Variants in POU6F2 observed in about 807,000 individuals in gnomAD.
POU6F2 encodes the protein POU domain, class 6, transcription factor 2.
POU6F2 carries 31 observed loss-of-function variants against 71.3 expected under a neutral mutation model. The observed-to-expected ratio is 0.43, with a 90% confidence interval of 0.33 to 0.59. The LOEUF is 0.59. POU6F2 is among the 20% of genes least tolerant of loss of function. The pLI, the probability that POU6F2 is intolerant of heterozygous loss-of-function variation, is 0.04. For missense variants in POU6F2, 783 were observed against 856.8 expected (o/e 0.91, Z 1.07); for synonymous variants, 347 against 355.7 (o/e 0.98, Z 0.27).
intron 2 of POU6F2, among the ~76,000 whole-genome samples, chr7:39,144,745 G>A (rs180895194): frequency 1.1e-4 from 16 of 152,298 alleles, no homozygotes; most frequent in East Asian, 5.8e-4. Flanking sequence ...AAAGATCTCA[G>A]GCAAAACTGT....
At chr7:39,024,585 G>A (rs1406981515) in intron 1 of POU6F2, among the ~76,000 whole-genome samples, 1 of 152,048 alleles carries the variant, frequency 6.6e-6, no homozygotes, top group Non-Finnish European at 1.5e-5. Flanking sequence ...TCTTGTGCCA[G>A]TTTTCAAAGG....
chr7:39,059,326 T>G (rs191827831), intron 1 of POU6F2, among the ~76,000 whole-genome samples: 88 of 152,114 alleles, frequency 5.8e-4, no homozygotes, highest in African/African-American at 2.0e-3. Flanking sequence ...TCTAGGAGAC[T>G]CAAGAGAACA....
chr7:39,236,912 A>G (rs1462325811), intron 4 of POU6F2, among the ~76,000 whole-genome samples: 1 of 152,218 alleles, frequency 6.6e-6, no homozygotes, highest in Non-Finnish European at 1.5e-5. Context: ...GCTATCAAAC[A>G]TGAATAGGAA....
At chr7:39,275,228 A>G (rs1048038519) in intron 4 of POU6F2, among the ~76,000 whole-genome samples, 1 of 152,022 alleles carries the variant, frequency 6.6e-6, no homozygotes, top group East Asian at 1.9e-4. Context: ...TCAATGTACA[A>G]AAATCACAAG....
chr7:39,464,722 A>C lies in POU6F2; in HGVS notation c.*36A>C. 1.3e-6 allele frequency: 2 copies of C among 1,555,836 alleles called. No homozygotes were observed. The highest frequency in any genetic ancestry group is 1.7e-6 in the Non-Finnish European group (2 of 1,154,394). On this transcript the variant is annotated 3_prime_UTR_variant, in exon 10 of 10. Transcript: ENST00000518318. This position sits in a 1 kb window ranked among gnomAD's most constrained non-coding sequence, Gnocchi z 4.1. ...ACCCATAATCAGAAGCAAAATTCAC[A>C]GAAACTAAACTCCACCCTTGGGACT...
chr7:39,422,711 C>T (rs1447515953), intron 6 of POU6F2, among the ~76,000 whole-genome samples: 1 of 152,152 alleles, frequency 6.6e-6, no homozygotes, highest in African/African-American at 2.4e-5. Context: ...GTCTACTCTC[C>T]AGTGGGAAAT....
intron 2 of POU6F2, among the ~76,000 whole-genome samples, chr7:39,162,670 A>G (rs772213155): frequency 4.6e-5 from 7 of 152,198 alleles, no homozygotes; most frequent in Non-Finnish European, 1.0e-4. Context: ...GTGCCAAACT[A>G]TAGTTCTGTG....
At chr7:39,045,455 A>G (rs557519129) in intron 1 of POU6F2, among the ~76,000 whole-genome samples, 108 of 151,890 alleles carry the variant, frequency 7.1e-4, no homozygotes, top group Non-Finnish European at 1.1e-3. Flanking sequence ...GGATTTTTCC[A>G]GTATCTGTTT....
rs77034524 is a variant in POU6F2, at chr7:39,210,098, A to G, written c.598+2478A>G. Among the ~76,000 whole-genome samples, 597 of 152,274 alleles carry G rather than the reference A, an allele frequency of 3.9e-3. 12 individuals carry two copies. The East Asian group carries it at 0.054, about 14-fold the overall frequency. On this transcript the variant is annotated intron_variant, in intron 4 of 9. Coordinates refer to ENST00000518318, the MANE Select transcript of POU6F2 (RefSeq NM_001370959.1). ...TATTTATCAACCCAAGGCTTTTCAG[A>G]GTCTTTAAAAACAACTCTTAAGTCT...
intron 1 of POU6F2, among the ~76,000 whole-genome samples, chr7:39,055,250 C>G (rs1013295032): frequency 1.4e-4 from 22 of 152,070 alleles, no homozygotes; most frequent in African/African-American, 5.1e-4. Flanking sequence ...AATAAAAGAG[C>G]TAAGCAATGC....
chr7:39,446,569 A>G (rs1469595179), intron 7 of POU6F2, among the ~76,000 whole-genome samples: 1 of 152,208 alleles, frequency 6.6e-6, no homozygotes, highest in Admixed American at 6.5e-5. Context: ...GGCACAGAAA[A>G]CCAAGAAAGC....
At chr7:39,066,370 T>C (rs1441030243) in intron 1 of POU6F2, among the ~76,000 whole-genome samples, 1 of 151,714 alleles carries the variant, frequency 6.6e-6, no homozygotes, top group African/African-American at 2.4e-5. Flanking sequence ...TTATTTTGCT[T>C]AGTGTTATGA....
chr7:39,222,640 T>C (rs983787245), intron 4 of POU6F2, among the ~76,000 whole-genome samples: 4 of 152,226 alleles, frequency 2.6e-5, no homozygotes, highest in Non-Finnish European at 5.9e-5. Context: ...GGGTACCTCA[T>C]AGAAGTGGAA....
At chr7:38,986,946 G>C (rs569991525) in intron 1 of POU6F2, among the ~76,000 whole-genome samples, 24 of 152,160 alleles carry the variant, frequency 1.6e-4, no homozygotes, top group African/African-American at 5.8e-4. Flanking sequence ...ATCCTTCTCT[G>C]TAGTACTCCC....
In POU6F2 at chr7:39,061,349, G is replaced by A. The variant is rs184570151; in HGVS notation, c.106-24511G>A. Among the ~76,000 whole-genome samples the A allele has an allele frequency of 2.0e-3, 309 of 152,264 alleles. 1 individual carries two copies. The highest frequency in any genetic ancestry group is 7.2e-3 in the African/African-American group (300 of 41,556). On this transcript the variant is annotated intron_variant, in intron 1 of 9. Coordinates refer to ENST00000518318, the MANE Select transcript of POU6F2 (RefSeq NM_001370959.1). ...ATTTTGATAGCCTCTTAGGATAATC[G>A]TGGCTAGTCTTTGATACAGTATCAA...
intron 4 of POU6F2, among the ~76,000 whole-genome samples, chr7:39,211,923 T>A (rs1042340950): frequency 2.0e-5 from 3 of 152,178 alleles, no homozygotes; most frequent in Non-Finnish European, 2.9e-5. Flanking sequence ...CATGTTCCAT[T>A]TTGTCTCCTC....
intron 4 of POU6F2, among the ~76,000 whole-genome samples, chr7:39,327,909 T>C (rs1284862603): frequency 6.6e-6 from 1 of 151,570 alleles, no homozygotes; most frequent in Non-Finnish European, 1.5e-5. Flanking sequence ...CAGTATTGGA[T>C]AGAAAATGCT....
chr7:39,421,459 G>T (rs1219542562), intron 6 of POU6F2, among the ~76,000 whole-genome samples: 2 of 152,090 alleles, frequency 1.3e-5, no homozygotes, highest in East Asian at 3.9e-4. Flanking sequence ...CACTTGGCAC[G>T]CTTCGTTCCC....
intron 4 of POU6F2, among the ~76,000 whole-genome samples, chr7:39,214,422 A>G (rs551722227): frequency 1.3e-5 from 2 of 152,208 alleles, no homozygotes; most frequent in South Asian, 2.1e-4. Flanking sequence ...CAAAATCTCA[A>G]AAGTGTTTGG....
Sources: gnomAD v4.1 joint callset for allele counts (sites outside exome capture counted in the v4.1 genomes callset) on GRCh38, gnomAD v4.1.1 for gene constraint, Gnocchi (gnomAD v3.1) non-coding constraint, MANE v1.5 for transcripts, NCBI Gene and HGNC (gene_info 2026-07-23, HGNC 2026-07-21) for gene names.